CDK12: variants seen among roughly 807,000 people sequenced by gnomAD.
The protein encoded by CDK12 is cyclin-dependent kinase 12.
Under a neutral mutation model 133.8 loss-of-function variants are expected in CDK12, and 17 were observed. The observed-to-expected ratio is 0.13, with a 90% CI of 0.09 to 0.19. CDK12 has a LOEUF of 0.19. Ranked by LOEUF, CDK12 falls within the 10% of genes least tolerant of loss-of-function variation. The pLI, the probability that CDK12 is intolerant of heterozygous loss-of-function variation, is 1.00. For synonymous variants in CDK12, 694 were observed against 683.6 expected, an observed-to-expected ratio of 1.02 and a Z score of -0.24; for missense variants, 1,508 against 1,818.7, an observed-to-expected ratio of 0.83 and a Z score of 3.11.
chr17:39,480,279 TC>T (rs34484073), intron 2 of CDK12, among the ~76,000 whole-genome samples: 2 of 149,440 alleles, frequency 1.3e-5, no homozygotes, highest in South Asian at 4.3e-4. Flanking sequence ...TTTTTTTTTT[TC>T]CGAGACAGAG....
chr17:39,508,997 CAAAAAAA>C (rs36130789), intron 6 of CDK12, among the ~76,000 whole-genome samples: 1 of 120,744 alleles, frequency 8.3e-6, no homozygotes, highest in African/African-American at 3.3e-5. Context: ...GACTCTGTCT[CAAAAAAA>C]AAAAAAAAAA....
chr17:39,551,172 G>A (rs2055940524), intron 2 of CDK12: 1 of 152,126 alleles, frequency 6.6e-6, no homozygotes, highest in Admixed American at 6.5e-5. Context: ...GGAAAGTCAA[G>A]GGAAGAAGGT....
intron 6 of CDK12, 103 bp downstream of exon 6, chr17:39,501,542 A>G (rs903303917): frequency 5.3e-5 from 37 of 701,326 alleles, no homozygotes; most frequent in Non-Finnish European, 6.6e-5. Context: ...ATAGTGCAGT[A>G]TTCACACACT....
chr17:39,536,074 G>A (rs1048726189), downstream of CDK12, among the ~76,000 whole-genome samples: 1 of 152,132 alleles, frequency 6.6e-6, no homozygotes, highest in Non-Finnish European at 1.5e-5. Context: ...ATTCTCTCAA[G>A]TAGGAGATTA....
At position 39,482,599 on chromosome 17, in the gene CDK12, A is replaced by ATTTTTTT. The variant is rs71147345; in HGVS notation, c.1932-7943_1932-7937dup. Among the ~76,000 whole-genome samples, 338 of 74,396 alleles carry ATTTTTTT rather than the reference A, an allele frequency of 4.5e-3. 41 individuals carry two copies. Among genetic ancestry groups the ATTTTTTT allele is most frequent in the African/African-American group, 0.013 (315 of 23,464 alleles). 48.8% of individuals were successfully genotyped at this position (74,396 alleles called of 152,430 possible). ...GCTGCCAAAGTGAACAATCAACTAC[A>ATTTTTTT]TTTTTTTTTTTTTTTTTTTTTGAGG... On this transcript the variant is annotated intron_variant, in intron 2 of 13. Coordinates refer to ENST00000447079, the MANE Select transcript of CDK12 (RefSeq NM_016507.4).
At chr17:39,544,607 A>G (rs4795382), upstream of CDK12, among the ~76,000 whole-genome samples, 92,710 of 145,894 alleles carry the variant, frequency 0.64, 31,915 homozygotes, top group South Asian at 0.89. Flanking sequence ...CCTCTTGAGT[A>G]GCTGGGTAAC....
At chr17:39,466,615 GAAAAAAAAAAAAAAAAAAAAAAAAAA>G (rs71147339) in intron 1 of CDK12, among the ~76,000 whole-genome samples, 13 of 31,482 alleles carry the variant, frequency 4.1e-4, no homozygotes, top group Admixed American at 5.8e-4. Flanking sequence ...AACTCTATCT[GAAAAAAAAAAAAAAAAAAAAAAAAAA>G]AAAAAAAAAA....
chr17:39,488,239 A>T (rs2051294328), intron 2 of CDK12, among the ~76,000 whole-genome samples: 1 of 152,050 alleles, frequency 6.6e-6, no homozygotes, highest in Non-Finnish European at 1.5e-5. Flanking sequence ...GTCTCAAAAA[A>T]AAAAAAAGAT....
chr17:39,484,805 A>T (rs2050982681), intron 2 of CDK12, among the ~76,000 whole-genome samples: 1 of 152,184 alleles, frequency 6.6e-6, no homozygotes, highest in Middle Eastern at 3.2e-3. Flanking sequence ...GCATTTCAGT[A>T]TTCAGATTTT....
At chr17:39,500,502 AC>A (rs969343442) in intron 5 of CDK12, among the ~76,000 whole-genome samples, 1 of 151,064 alleles carries the variant, frequency 6.6e-6, no homozygotes, top group Non-Finnish European at 1.5e-5. Flanking sequence ...GTGTGGTGGC[AC>A]ATGCCTGTAA....
In CDK12 at chr17:39,552,790, G is replaced by A. The variant is rs563775478; in HGVS notation, n.356+1648G>A. Reference sequence around the variant, plus strand: ...CGCCCAGGCTGGAGAGTGCAGTGGCGTGATCTCAGCTCACTGCAACCTCTG... The same window carrying A: ...CGCCCAGGCTGGAGAGTGCAGTGGCATGATCTCAGCTCACTGCAACCTCTG... On this transcript the variant is annotated intron_variant and non_coding_transcript_variant, in intron 2 of 3. Transcript: ENST00000558240. Among the ~76,000 whole-genome samples the A allele has an allele frequency of 3.3e-5, 5 of 152,192 alleles. No homozygotes were observed. In the South Asian group the frequency reaches 8.3e-4, roughly 25 times the overall value.
At chr17:39,501,807 G>A (rs2052734450) in intron 6 of CDK12, among the ~76,000 whole-genome samples, 1 of 151,314 alleles carries the variant, frequency 6.6e-6, no homozygotes, top group Admixed American at 6.6e-5. Context: ...ATACTGCATT[G>A]GTAATATCAG....
rs1159653830 is a variant in CDK12, at chr17:39,533,156, T to TATA, written c.*1841_*1843dup. Reference sequence around the variant, plus strand: ...AGACTGTTTTCCCCTGTTAATGAGATATAGCTAGATATCGGTGTGTGTATT... The same window carrying TATA: ...AGACTGTTTTCCCCTGTTAATGAGATATAATAGCTAGATATCGGTGTGTGTATT... On this transcript the variant is annotated 3_prime_UTR_variant, in exon 14 of 14. Transcript: ENST00000447079. 4.3e-6 allele frequency: 1 copy of TATA among 232,812 alleles called. No individual in the cohort carries two copies. Among genetic ancestry groups the TATA allele is most frequent in the Non-Finnish European group, 8.5e-6 (1 of 117,766 alleles). The allele number at this position is 232,812 out of a possible 1,614,324, so 14.4% of individuals were successfully genotyped here. A position where few individuals can be genotyped will look rare whatever the true frequency, so the allele number is the denominator to read the frequency against.
chr17:39,470,399 G>A (rs1449105687), intron 1 of CDK12, among the ~76,000 whole-genome samples: 1 of 152,132 alleles, frequency 6.6e-6, no homozygotes, highest in Non-Finnish European at 1.5e-5. Context: ...GAGATTACAG[G>A]TGTGAGCTAC....
chr17:39,538,432 C>T (rs1444480177), downstream of CDK12, among the ~76,000 whole-genome samples: 1 of 152,146 alleles, frequency 6.6e-6, no homozygotes, highest in Non-Finnish European at 1.5e-5. Flanking sequence ...CATCTTTAAC[C>T]AGTAAAAAAT....
In CDK12 at chr17:39,463,125, A is replaced by C. The variant is rs766972384; in HGVS notation, c.1046+8A>C. On this transcript the variant is annotated splice_region_variant and intron_variant, in intron 1 of 13. Transcript: ENST00000447079. ...TCGGAGTCCACTCCCCAGGTGAGCTATTTGTCTAACAGTCCTTCCTCATTT... is the reference window on the plus strand; with the variant it reads ...TCGGAGTCCACTCCCCAGGTGAGCTCTTTGTCTAACAGTCCTTCCTCATTT... The C allele has an allele frequency of 1.2e-6, 2 of 1,611,472 alleles. No homozygotes were observed. Among genetic ancestry groups the C allele is most frequent in the Non-Finnish European group, 8.5e-7 (1 of 1,178,526 alleles).
intron 2 of CDK12, among the ~76,000 whole-genome samples, chr17:39,482,328 A>ATGCTCTGTTT (rs2050779213): frequency 2.0e-5 from 3 of 151,928 alleles, no homozygotes; most frequent in Non-Finnish European, 4.4e-5. Context: ...TGTTTTTCTA[A>ATGCTCTGTTT]TAGCCTTGTT....
rs201866427 is a variant in CDK12, at chr17:39,541,362, C to CTTTT, written c.451-2867_451-2864dup. 1.2e-4 allele frequency among the ~76,000 whole-genome samples: 16 copies of CTTTT among 137,236 alleles called. 1 individual carries two copies. The highest frequency in any genetic ancestry group is 4.5e-4 in the African/African-American group (14 of 30,908). 90.0% of individuals were successfully genotyped at this position (137,236 alleles called of 152,430 possible). On this transcript the variant is annotated intron_variant and NMD_transcript_variant, in intron 1 of 4. Coordinates refer to the CDK12 transcript ENST00000559663. ...TAATGGGAGGAGTTTGAGTTTGGCT[C>CTTTT]TTTTTTTTTTTTTTTTTTTTTTTGA...
At chr17:39,528,899 T>A (rs2054650743) in intron 13 of CDK12, among the ~76,000 whole-genome samples, 1 of 152,198 alleles carries the variant, frequency 6.6e-6, no homozygotes, top group Admixed American at 6.5e-5. Context: ...GGTACAGTGA[T>A]GTCCTTATAT....
Sources: gnomAD v4.1 joint callset for allele counts (sites outside exome capture counted in the v4.1 genomes callset) on GRCh38, gnomAD v4.1.1 for gene constraint, MANE v1.5 for transcripts, NCBI Gene and HGNC (gene_info 2026-07-23, HGNC 2026-07-21) for gene names.